Variants in GRIN2A observed in about 807,000 individuals in gnomAD.
The protein encoded by GRIN2A is glutamate ionotropic receptor NMDA type subunit 2A.
Under a neutral mutation model 113.4 loss-of-function variants are expected in GRIN2A, and 22 were observed. That is an observed-to-expected ratio of 0.19 (90% CI 0.14 to 0.28). GRIN2A has a LOEUF of 0.28. Ranked by LOEUF, GRIN2A falls within the 10% of genes least tolerant of loss-of-function variation. The pLI is 1.00. For missense variants in GRIN2A, 1,502 were observed against 1,887.0 expected (o/e 0.80, Z 3.78); for synonymous variants, 827 against 738.4 (o/e 1.12, Z -1.94).
chr16:9,869,308 C>T (rs755568254), intron 4 of GRIN2A, among the ~76,000 whole-genome samples: 5 of 152,100 alleles, frequency 3.3e-5, no homozygotes, highest in Non-Finnish European at 7.4e-5. Flanking sequence ...TGGTACATGC[C>T]TGTAATCTCA....
At chr16:9,819,250 TG>T (rs987009048) in intron 10 of GRIN2A, among the ~76,000 whole-genome samples, 2 of 152,182 alleles carry the variant, frequency 1.3e-5, no homozygotes, top group African/African-American at 4.8e-5. Context: ...CTGGGCATAG[TG>T]ACTCACTCCT....
intron 2 of GRIN2A, among the ~76,000 whole-genome samples, chr16:9,970,306 C>G (rs571997997): frequency 1.2e-4 from 19 of 152,238 alleles, no homozygotes; most frequent in African/African-American, 4.6e-4. Flanking sequence ...TTTTCTTAGC[C>G]CTGGAGCTTG....
At chr16:9,995,782 A>G (rs1047065467) in intron 2 of GRIN2A, among the ~76,000 whole-genome samples, 1 of 152,104 alleles carries the variant, frequency 6.6e-6, no homozygotes, top group African/African-American at 2.4e-5. Flanking sequence ...TTTTCAATGC[A>G]AGGGATAAAT....
chr16:10,061,742 G>T (rs536847591), intron 2 of GRIN2A, among the ~76,000 whole-genome samples: 1 of 152,334 alleles, frequency 6.6e-6, no homozygotes, highest in Non-Finnish European at 1.5e-5. Context: ...GAACATGTTG[G>T]AAAGTGGCTC....
intron 2 of GRIN2A, among the ~76,000 whole-genome samples, chr16:9,959,705 G>A (rs1596363606): frequency 1.3e-5 from 2 of 152,328 alleles, no homozygotes; most frequent in East Asian, 1.9e-4. Context: ...CAGGCATGGC[G>A]GCTCACGCCT....
At chr16:9,771,931 T>G (rs796961021) in intron 11 of GRIN2A, among the ~76,000 whole-genome samples, 1 of 152,210 alleles carries the variant, frequency 6.6e-6, no homozygotes, top group South Asian at 2.1e-4. Flanking sequence ...TTTCTTCACT[T>G]TGATGGACAG....
At chr16:10,010,891 T>C (rs1449837349) in intron 2 of GRIN2A, among the ~76,000 whole-genome samples, 6 of 152,236 alleles carry the variant, frequency 3.9e-5, no homozygotes, top group Non-Finnish European at 8.8e-5. Context: ...TATTATATCC[T>C]GTGAGCATAG....
chr16:9,858,413 G>A (rs550478663), intron 4 of GRIN2A, among the ~76,000 whole-genome samples: 419 of 152,120 alleles, frequency 2.8e-3, no homozygotes, highest in African/African-American at 8.5e-3. Flanking sequence ...GTACTTAAAA[G>A]CAGTTCTCAA....
At chr16:10,161,357 A>AT in intron 2 of GRIN2A, among the ~76,000 whole-genome samples, 1 of 152,294 alleles carries the variant, frequency 6.6e-6, no homozygotes, top group Admixed American at 6.5e-5. Flanking sequence ...TCCTTTATAA[A>AT]TTACCCAGTC....
rs1900526426 is a variant in GRIN2A, at chr16:9,760,357, C to A, written c.*2792G>T. On this transcript the variant is annotated 3_prime_UTR_variant, in exon 13 of 13. Transcript: ENST00000330684. ...CTACATCTTTTCCTTAGAAATTGAC[C>A]ATCTGATCAGTAGTTGATTTTTTTT... is the stretch of plus-strand genomic sequence containing the variant. The A allele has an allele frequency of 5.4e-6, 1 of 184,584 alleles. No individual in the cohort carries two copies. Among genetic ancestry groups the A allele is most frequent in the Non-Finnish European group, 1.1e-5 (1 of 94,478 alleles). 11.4% of individuals were successfully genotyped at this position (184,584 alleles called of 1,614,324 possible).
intron 2 of GRIN2A, among the ~76,000 whole-genome samples, chr16:10,020,242 T>C (rs1423673267): frequency 1.3e-5 from 2 of 152,080 alleles, no homozygotes; most frequent in Non-Finnish European, 2.9e-5. Flanking sequence ...TAAAACCCCA[T>C]CTCTACTAAA....
intron 2 of GRIN2A, among the ~76,000 whole-genome samples, chr16:10,077,264 C>G (rs2047890569): frequency 6.6e-6 from 1 of 152,174 alleles, no homozygotes; most frequent in Non-Finnish European, 1.5e-5. Flanking sequence ...CTTTAAGCCA[C>G]TGTGTGTAAT....
chr16:10,117,721 G>T (rs565531744), intron 2 of GRIN2A, among the ~76,000 whole-genome samples: 1 of 152,184 alleles, frequency 6.6e-6, no homozygotes, highest in Non-Finnish European at 1.5e-5. Context: ...AGGGGCTACA[G>T]CTGGGGAGAG....
At chr16:9,924,028 G>A (rs778671281) in intron 3 of GRIN2A, among the ~76,000 whole-genome samples, 18 of 149,312 alleles carry the variant, frequency 1.2e-4, no homozygotes, top group Non-Finnish European at 2.2e-4. Flanking sequence ...TCAGGAGGCT[G>A]AGGCAGGAGA....
At chr16:9,776,392 T>G (rs1052632092) in intron 11 of GRIN2A, among the ~76,000 whole-genome samples, 1 of 151,572 alleles carries the variant, frequency 6.6e-6, no homozygotes, top group Non-Finnish European at 1.5e-5. Context: ...CCCCAGTCTG[T>G]GGCACAGGTC....
intron 2 of GRIN2A, among the ~76,000 whole-genome samples, chr16:10,068,562 T>A (rs972116748): frequency 2.6e-5 from 4 of 152,090 alleles, no homozygotes; most frequent in African/African-American, 9.7e-5. Context: ...CCCAAGCCAT[T>A]CACAAGGGAT....
intron 2 of GRIN2A, among the ~76,000 whole-genome samples, chr16:10,092,307 A>G (rs995409463): frequency 3.9e-5 from 6 of 152,196 alleles, no homozygotes; most frequent in Non-Finnish European, 8.8e-5. Flanking sequence ...CTTACAGTCC[A>G]AGGAAAATCA....
intron 10 of GRIN2A, among the ~76,000 whole-genome samples, chr16:9,820,776 C>T (rs1242423499): frequency 6.6e-6 from 1 of 152,056 alleles, no homozygotes; most frequent in African/African-American, 2.4e-5. Flanking sequence ...GGAGTGATGA[C>T]CTGGATGATC....
chr16:9,821,674 G>T (rs1466141055), intron 10 of GRIN2A, among the ~76,000 whole-genome samples: 1 of 152,108 alleles, frequency 6.6e-6, no homozygotes, highest in Non-Finnish European at 1.5e-5. Flanking sequence ...TCTCTCCAAA[G>T]CCTAAACTCC....
Sources: gnomAD v4.1 joint callset for allele counts (sites outside exome capture counted in the v4.1 genomes callset) on GRCh38, gnomAD v4.1.1 for gene constraint, MANE v1.5 for transcripts, NCBI Gene and HGNC (gene_info 2026-07-23, HGNC 2026-07-21) for gene names.